CLCN5: variants seen among roughly 807,000 people sequenced by gnomAD.
The protein encoded by CLCN5 is Cl-/H+ antiporter 5, also known as H(+)/Cl(-) exchange transporter 5.
A neutral mutation model predicts 54.0 loss-of-function variants in CLCN5; 17 were observed. The ratio of observed to expected loss-of-function variants is 0.31; its 90% confidence interval spans 0.22 to 0.47. The LOEUF (loss-of-function observed/expected upper bound fraction) is 0.47. Ranked by LOEUF, CLCN5 falls within the 20% of genes least tolerant of loss-of-function variation. The pLI is 1.00. For synonymous variants in CLCN5, 222 were observed against 233.0 expected (o/e 0.95, Z 0.43); for missense variants, 448 against 646.7 (o/e 0.69, Z 3.33).
intron 3 of CLCN5, among the ~76,000 whole-genome samples, chrX:49,974,821 G>A (rs1557176739): frequency 8.9e-6 from 1 of 112,286 alleles, no homozygotes; most frequent in African/African-American, 3.2e-5. Context: ...TGTGCAAGAG[G>A]TGGAAGGATG....
chrX:49,933,404 A>G (rs1388996257), intron 3 of CLCN5, among the ~76,000 whole-genome samples: 1 of 112,131 alleles, frequency 8.9e-6, no homozygotes, highest in East Asian at 2.8e-4. Context: ...ATTATTCTCT[A>G]AGAGTCAGTT....
intron 3 of CLCN5, among the ~76,000 whole-genome samples, chrX:49,975,951 T>A (rs782351989): frequency 8.9e-6 from 1 of 111,787 alleles, no homozygotes; most frequent in South Asian, 3.7e-4. Context: ...TCTGGAGATG[T>A]TGTTCATTGT....
intron 4 of CLCN5, among the ~76,000 whole-genome samples, chrX:50,056,539 T>G (rs1932753083): frequency 8.9e-6 from 1 of 111,953 alleles, no homozygotes; most frequent in Non-Finnish European, 1.9e-5. Flanking sequence ...CTGTGGCATC[T>G]TAGTCCAGTG....
At chrX:49,964,086 A>G (rs1927730969) in intron 3 of CLCN5, among the ~76,000 whole-genome samples, 1 of 112,306 alleles carries the variant, frequency 8.9e-6, no homozygotes, top group African/African-American at 3.2e-5. Flanking sequence ...TGTGCCAGAA[A>G]ATGTCAAACG....
intron 3 of CLCN5, among the ~76,000 whole-genome samples, chrX:50,019,396 G>A (rs1557184042): frequency 9.5e-6 from 1 of 105,252 alleles, no homozygotes; most frequent in Non-Finnish European, 1.9e-5. Context: ...TCAGATCACG[G>A]TATTATTTTG....
At chrX:50,017,501 A>AT (rs1930845101) in intron 3 of CLCN5, among the ~76,000 whole-genome samples, 1 of 111,662 alleles carries the variant, frequency 9.0e-6, no homozygotes, top group Non-Finnish European at 1.9e-5. Context: ...CAGTCTATCA[A>AT]TTTTTTCTTT....
chrX:49,984,254 G>T (rs1216354028), intron 3 of CLCN5, among the ~76,000 whole-genome samples: 3 of 111,873 alleles, frequency 2.7e-5, no homozygotes, highest in Non-Finnish European at 5.6e-5. Context: ...TGCAACCTCA[G>T]ACTAAAATCC....
intron 4 of CLCN5, among the ~76,000 whole-genome samples, chrX:50,055,590 C>T (rs1382376411): frequency 8.9e-6 from 1 of 112,460 alleles, no homozygotes; most frequent in Admixed American, 9.5e-5. Context: ...AATGTCCTGT[C>T]TCTGTTCTTC....
At chrX:49,940,421 G>A (rs782522999) in intron 3 of CLCN5, among the ~76,000 whole-genome samples, 1 of 111,932 alleles carries the variant, frequency 8.9e-6, no homozygotes, top group African/African-American at 3.2e-5. Context: ...CATACTGCAT[G>A]GTCTTCCTCA....
chrX:50,066,167 A>AAAAT (rs1445957610), intron 4 of CLCN5, among the ~76,000 whole-genome samples: 9 of 106,074 alleles, frequency 8.5e-5, no homozygotes, highest in African/African-American at 2.6e-4. Context: ...TATAATTAAA[A>AAAAT]AAAAAAAAAA....
intron 3 of CLCN5, among the ~76,000 whole-genome samples, chrX:49,963,857 C>T (rs1310884788): frequency 4.5e-5 from 5 of 112,258 alleles, no homozygotes; most frequent in African/African-American, 1.6e-4. Flanking sequence ...AACTTTAATT[C>T]TGCTGTTTTT....
rs1557192048 is a variant in CLCN5 at position 50,075,783 on chromosome X, C to A, written c.416-12C>A. On this transcript the variant is annotated splice_polypyrimidine_tract_variant and intron_variant, in intron 6 of 14. Transcript: ENST00000376091. Reference sequence around the variant, plus strand: ...TTTAACTTTGGCCTTTCCCTCCCTCCCCACAAATCAGGTTCGTTAGCTGGT... The same window carrying A: ...TTTAACTTTGGCCTTTCCCTCCCTCACCACAAATCAGGTTCGTTAGCTGGT... 2.5e-6 allele frequency: 3 copies of A among 1,209,226 alleles called. No homozygotes were observed. The highest frequency in any genetic ancestry group is 3.0e-5 in the East Asian group (1 of 33,853).
At chrX:49,947,911 A>G (rs1355450612) in intron 3 of CLCN5, among the ~76,000 whole-genome samples, 1 of 110,775 alleles carries the variant, frequency 9.0e-6, no homozygotes, top group African/African-American at 3.3e-5. Context: ...CTGTTCTGCC[A>G]TCTTATTTCT....
intron 3 of CLCN5, among the ~76,000 whole-genome samples, chrX:49,974,731 G>T (rs1928396392): frequency 8.9e-6 from 1 of 111,737 alleles, no homozygotes; most frequent in Non-Finnish European, 1.9e-5. Context: ...TCTCACTTGA[G>T]ACATCAAAGA....
Position 50,092,616 on chromosome X carries a change from G to A in CLCN5, c.*397G>A, listed in dbSNP as rs1335732421. On this transcript the variant is annotated 3_prime_UTR_variant, in exon 15 of 15. Coordinates refer to ENST00000376091, the MANE Select transcript of CLCN5 (RefSeq NM_001127898.4). ...AACCGACGAAAAAGTCACTCTTTTG[G>A]GATCTAACTGTTGTTACTGGAAGAC... 7.0e-6 allele frequency: 1 copy of A among 143,047 alleles called. No individual in the cohort carries two copies. Among genetic ancestry groups the A allele is most frequent in the African/African-American group, 3.1e-5 (1 of 31,801 alleles). 11.8% of individuals were successfully genotyped at this position (143,047 alleles called of 1,213,427 possible).
At chrX:50,017,115 A>C (rs1218382125) in intron 3 of CLCN5, among the ~76,000 whole-genome samples, 1 of 111,817 alleles carries the variant, frequency 8.9e-6, no homozygotes, top group Non-Finnish European at 1.9e-5. Flanking sequence ...TTGTATGGAC[A>C]TAAGTTCTCA....
chrX:50,025,349 C>T (rs1356678682), intron 3 of CLCN5, among the ~76,000 whole-genome samples: 15 of 82,443 alleles, frequency 1.8e-4, no homozygotes, highest in Non-Finnish European at 1.4e-4. Flanking sequence ...GCGCACGGTG[C>T]GCGCACACAC....
chrX:49,943,734 A>C (rs1283454355), intron 3 of CLCN5, among the ~76,000 whole-genome samples: 4 of 111,246 alleles, frequency 3.6e-5, no homozygotes, highest in Non-Finnish European at 3.8e-5. Flanking sequence ...ATTATTTCTG[A>C]GTGCTCTGTT....
chrX:50,018,055 C>G (rs190776567), intron 3 of CLCN5, among the ~76,000 whole-genome samples: 1 of 111,667 alleles, frequency 9.0e-6, no homozygotes, highest in African/African-American at 3.2e-5. Context: ...ACCTGTAGAT[C>G]AAGTTGGGAA....
Sources: allele counts gnomAD v4.1 joint callset (sites outside exome capture counted in the v4.1 genomes callset), GRCh38; gene constraint gnomAD v4.1.1; transcripts MANE v1.5; gene names NCBI Gene and HGNC (gene_info 2026-07-23, HGNC 2026-07-21).